IFI16: variants seen among roughly 807,000 people sequenced by gnomAD.
IFI16 encodes the protein interferon gamma inducible protein 16, also known as gamma-interferon-inducible protein 16.
A neutral mutation model predicts 68.4 loss-of-function variants in IFI16; 49 were observed. That is an observed-to-expected ratio of 0.72 (90% CI 0.57 to 0.91). The LOEUF is 0.91. Ranked by LOEUF, IFI16 falls within the 40% of genes least tolerant of loss-of-function variation. The pLI is 0.00. For missense variants in IFI16, 878 were observed against 942.9 expected, an observed-to-expected ratio of 0.93 and a Z score of 0.90; for synonymous variants, 307 against 315.0, an observed-to-expected ratio of 0.97 and a Z score of 0.27.
At chr1:159,040,218 A>G (rs1456745799) in intron 7 of IFI16, among the ~76,000 whole-genome samples, 1 of 152,216 alleles carries the variant, frequency 6.6e-6, no homozygotes, top group Admixed American at 6.5e-5. Context: ...TGAGGCATAT[A>G]ATAATTGGAA....
upstream of IFI16, among the ~76,000 whole-genome samples, chr1:159,008,152 G>T (rs897714240): frequency 2.6e-5 from 4 of 152,012 alleles, no homozygotes; most frequent in African/African-American, 9.7e-5. Flanking sequence ...AGAGAGAAAT[G>T]GAACACTCAT....
chr1:159,035,538 C>A (rs141799360), intron 7 of IFI16, among the ~76,000 whole-genome samples: 1 of 152,240 alleles, frequency 6.6e-6, no homozygotes, highest in African/African-American at 2.4e-5. Context: ...GATTATATGC[C>A]TTCATGGCCT....
chr1:159,028,597 T>A (rs1653809630), intron 6 of IFI16, among the ~76,000 whole-genome samples: 1 of 152,162 alleles, frequency 6.6e-6, no homozygotes, highest in Admixed American at 6.5e-5. Context: ...TTGGACTGTC[T>A]AGTGCTTTCA....
upstream of IFI16, among the ~76,000 whole-genome samples, chr1:159,005,342 C>T (rs1018390064): frequency 2.0e-5 from 3 of 152,190 alleles, no homozygotes; most frequent in Non-Finnish European, 4.4e-5. Context: ...CCAGAAACTT[C>T]TTTCACTCAT....
chr1:159,054,349 A>C (rs1011866041), intron 11 of IFI16, among the ~76,000 whole-genome samples: 6 of 152,366 alleles, frequency 3.9e-5, no homozygotes, highest in Admixed American at 2.0e-4. Context: ...GAAGGCAAAT[A>C]GTTCAAAACA....
intron 7 of IFI16, among the ~76,000 whole-genome samples, chr1:159,042,948 A>G (rs1654753715): frequency 6.6e-6 from 1 of 152,182 alleles, no homozygotes; most frequent in African/African-American, 2.4e-5. Flanking sequence ...ACCCATGGCA[A>G]CTTGAGGGAT....
intron 5 of IFI16, among the ~76,000 whole-genome samples, chr1:159,019,797 A>G (rs1305727780): frequency 6.6e-6 from 1 of 152,222 alleles, no homozygotes; most frequent in African/African-American, 2.4e-5. Context: ...TTACAAATCC[A>G]GTTCTAGGAT....
intron 11 of IFI16, 67 bp downstream of exon 11, chr1:159,053,791 T>C: frequency 8.2e-7 from 1 of 1,217,928 alleles, no homozygotes. Context: ...TTAAGAAGAC[T>C]AGACTGCTAC....
intron 9 of IFI16, among the ~76,000 whole-genome samples, chr1:159,050,618 T>C (rs933336665): frequency 6.6e-6 from 1 of 151,890 alleles, no homozygotes; most frequent in African/African-American, 2.4e-5. Context: ...TGCCTCCATG[T>C]TCTGGTCTCT....
Position 159,054,887 on chromosome 1 carries a change from G to T in IFI16, c.2344G>T (p.Asp782Tyr), listed in dbSNP as rs1297756816. The change falls in exon 12 of 12, where the codon GAC (aspartate) becomes TAC (tyrosine). Residue 782 changes from aspartate to tyrosine, a missense_variant. Physicochemically the swap from Asp to Tyr is radical, Grantham distance 160. Coordinates refer to ENST00000295809, the MANE Select transcript of IFI16 (RefSeq NM_001376587.1). ...NPDSSMETSPDFFF is the reference protein window; with the variant it reads ...NPDSSMETSPYFFF ...TGATTCAAGTATGGAAACTTCACCA[G>T]ACTTTTTCTTCTAAAATCTGGATGT... 6 of 1,588,890 alleles carry T rather than the reference G, an allele frequency of 3.8e-6. No homozygotes were observed. The Admixed American group carries it at 1.0e-4, about 27-fold the overall frequency.
At chr1:159,002,848 T>A (rs146087904), upstream of IFI16, among the ~76,000 whole-genome samples, 84 of 152,324 alleles carry the variant, frequency 5.5e-4, no homozygotes, top group African/African-American at 1.9e-3. Context: ...CTTCCTAGGC[T>A]CTATTCATCC....
intron 7 of IFI16, among the ~76,000 whole-genome samples, chr1:159,038,104 G>A (rs1394915078): frequency 6.6e-6 from 1 of 152,108 alleles, no homozygotes; most frequent in African/African-American, 2.4e-5. Context: ...TTCATATCTA[G>A]TTTTAGTCAA....
At chr1:159,016,763 A>G in intron 4 of IFI16, 63 bp downstream of exon 4, 1 of 1,419,284 alleles carries the variant, frequency 7.0e-7, no homozygotes, top group South Asian at 1.3e-5. Context: ...GACTGATTTC[A>G]CCGGTTACTT....
At chr1:159,032,841 A>T in intron 7 of IFI16, 150 bp downstream of exon 7, 1 of 632,580 alleles carries the variant, frequency 1.6e-6, no homozygotes, top group Non-Finnish European at 2.7e-6. Context: ...TATTGAATTC[A>T]TACAGTGAGA....
chr1:159,009,691 C>T (rs574269720), upstream of IFI16, among the ~76,000 whole-genome samples: 16 of 152,282 alleles, frequency 1.1e-4, no homozygotes, highest in South Asian at 2.5e-3. Context: ...AGTGTAATTT[C>T]GTTACATGGA....
intron 6 of IFI16, among the ~76,000 whole-genome samples, chr1:159,030,876 T>TGA (rs1553209150): frequency 8.1e-5 from 12 of 148,582 alleles, no homozygotes; most frequent in South Asian, 4.2e-4. Flanking sequence ...AGGTGGTGGG[T>TGA]GGGGGGGCCA....
chr1:159,032,612 C>G lies in IFI16; in HGVS notation c.1250C>G (p.Ala417Gly). ...EQRQLPYPSE[A>G]STTFPESHLR... ...CGTCAGCTTCCATATCCTTCAGAGG[C>G]CAGCACAACCTTCCCTGAGAGCCAT... The change falls in exon 7 of 12, where the codon GCC (alanine) becomes GGC (glycine). Residue 417 changes from alanine (A) to glycine (G), a missense_variant. Coordinates refer to ENST00000295809, the MANE Select transcript of IFI16 (RefSeq NM_001376587.1). 6.2e-7 allele frequency: 1 copy of G among 1,613,048 alleles called. No homozygotes were observed. Among genetic ancestry groups the G allele is most frequent in the Non-Finnish European group, 8.5e-7 (1 of 1,179,408 alleles).
intron 7 of IFI16, 22 bp from the exon 8 acceptor site, chr1:159,045,275 A>G: frequency 1.8e-6 from 2 of 1,128,118 alleles, no homozygotes; most frequent in Non-Finnish European, 2.5e-6. Context: ...GAAAAAAAGA[A>G]CAAACATCTA....
At chr1:159,025,150 C>T (rs911564172) in intron 6 of IFI16, among the ~76,000 whole-genome samples, 18 of 152,084 alleles carry the variant, frequency 1.2e-4, no homozygotes, top group Admixed American at 1.0e-3. Flanking sequence ...GTTGCATATC[C>T]TGGGGCTTGA....
Sources: gnomAD v4.1 joint callset for allele counts (sites outside exome capture counted in the v4.1 genomes callset) on GRCh38, gnomAD v4.1.1 for gene constraint, MANE v1.5 for transcripts, NCBI Gene and HGNC (gene_info 2026-07-23, HGNC 2026-07-21) for gene names.